The following IGFBP7 variants were observed in gnomAD, a reference collection of about 807,000 sequenced individuals.
IGFBP7 encodes the protein insulin-like growth factor-binding protein 7.
IGFBP7 carries 31 observed loss-of-function variants against 29.4 expected under a neutral mutation model. That is an observed-to-expected ratio of 1.05 (90% confidence interval 0.79 to 1.42). IGFBP7 has a LOEUF of 1.42. Ranked by LOEUF, IGFBP7 falls within the 40% of genes most tolerant of loss-of-function variation. The probability of loss-of-function intolerance (pLI) is 0.00; values close to 1 mark genes in which losing one functional copy is unlikely to be tolerated. For missense variants in IGFBP7, 393 were observed against 395.5 expected, an observed-to-expected ratio of 0.99 and a Z score of 0.05; for synonymous variants, 172 against 174.9, an observed-to-expected ratio of 0.98 and a Z score of 0.13.
At chr4:57,076,062 A>C (rs1725217205) in intron 1 of IGFBP7, among the ~76,000 whole-genome samples, 1 of 152,218 alleles carries the variant, frequency 6.6e-6, no homozygotes, top group African/African-American at 2.4e-5. Context: ...AGTGTATTGA[A>C]TGGGAAGTCC....
At chr4:57,076,753 G>A (rs1167183311) in intron 1 of IGFBP7, among the ~76,000 whole-genome samples, 1 of 152,182 alleles carries the variant, frequency 6.6e-6, no homozygotes, top group Non-Finnish European at 1.5e-5. Context: ...CAGAGAATGA[G>A]CAGTCTTGAT....
intron 1 of IGFBP7, among the ~76,000 whole-genome samples, chr4:57,066,311 A>T (rs1160717829): frequency 6.6e-6 from 1 of 152,158 alleles, no homozygotes; most frequent in East Asian, 1.9e-4. Context: ...GGAGAGGTCC[A>T]TGTGATGAGG....
At chr4:57,051,983 G>A (rs181319527) in intron 1 of IGFBP7, among the ~76,000 whole-genome samples, 8 of 152,292 alleles carry the variant, frequency 5.3e-5, no homozygotes, top group African/African-American at 1.9e-4. Flanking sequence ...GCCAGCTCGG[G>A]AAGAGGATTC....
intron 1 of IGFBP7, among the ~76,000 whole-genome samples, chr4:57,074,699 TTTTCAGACAGCTTGCTTCTTTTAAGTC>T (rs1214542494): frequency 2.0e-5 from 3 of 152,204 alleles, no homozygotes; most frequent in Admixed American, 2.0e-4. Flanking sequence ...TTTAAACACT[TTTTCAGACAGCTTGCTTCTTTTAAGTC>T]TTTCAATTAA....
chr4:57,102,095 T>C (rs906520112), intron 1 of IGFBP7, among the ~76,000 whole-genome samples: 2 of 152,108 alleles, frequency 1.3e-5, no homozygotes, highest in Admixed American at 6.6e-5. Context: ...GGTCAGATTG[T>C]TTGTGGGGTA....
intron 1 of IGFBP7, among the ~76,000 whole-genome samples, chr4:57,053,739 T>A (rs1724571777): frequency 6.6e-6 from 1 of 152,186 alleles, no homozygotes; most frequent in Non-Finnish European, 1.5e-5. Flanking sequence ...AAGAACTGAC[T>A]TTATAGAGAG....
At chr4:57,044,086 A>G (rs1191561682) in intron 1 of IGFBP7, among the ~76,000 whole-genome samples, 1 of 152,216 alleles carries the variant, frequency 6.6e-6, no homozygotes, top group Non-Finnish European at 1.5e-5. Flanking sequence ...GAGCTCGGGA[A>G]CAAAGCTGCT....
chr4:57,068,945 C>T (rs963698008), intron 1 of IGFBP7, among the ~76,000 whole-genome samples: 2 of 152,096 alleles, frequency 1.3e-5, no homozygotes, highest in African/African-American at 2.4e-5. Context: ...GATGCAGGCC[C>T]CTTCTGAAGG....
At position 57,109,866 on chromosome 4, in the gene IGFBP7, C is replaced by A. The variant is rs1401036418; in HGVS notation, c.475+11G>T. The stretch of plus-strand genomic sequence containing the variant: ...CGGCGCAGGGTTGGAGAGGGAAGCG[C>A]TCGTGCCCACCTTGCTCGCAGGTGC... On this transcript the variant is annotated intron_variant, in intron 1 of 4. Transcript: ENST00000295666. The A allele has an allele frequency of 4.4e-5, 67 of 1,537,260 alleles. No individual in the cohort carries two copies. Among genetic ancestry groups the A allele is most frequent in the Non-Finnish European group, 5.8e-5 (67 of 1,147,658 alleles).
At chr4:57,057,358 G>A (rs1173268232) in intron 1 of IGFBP7, among the ~76,000 whole-genome samples, 1 of 152,204 alleles carries the variant, frequency 6.6e-6, no homozygotes, top group Non-Finnish European at 1.5e-5. Flanking sequence ...CAAGGACTGG[G>A]AGAAACTACA....
chr4:57,078,378 C>G (rs1295721034), intron 1 of IGFBP7, among the ~76,000 whole-genome samples: 2 of 152,112 alleles, frequency 1.3e-5, no homozygotes, highest in Non-Finnish European at 2.9e-5. Flanking sequence ...CATATTACCT[C>G]ATAGGTAACC....
intron 2 of IGFBP7, among the ~76,000 whole-genome samples, chr4:57,039,775 T>C (rs1444347074): frequency 6.7e-6 from 1 of 149,338 alleles, no homozygotes; most frequent in Non-Finnish European, 1.5e-5. Flanking sequence ...CAGGCATGCC[T>C]CACCATGCCC....
Position 57,031,105 on chromosome 4 carries a change from AATG to A in IGFBP7, c.*209_*211del, listed in dbSNP as rs893491646. On this transcript the variant is annotated 3_prime_UTR_variant, in exon 5 of 5. Transcript: ENST00000295666. ...GTGATAAAAAGTATTTTATTTGTTTAATGATATGCATGCTTTTCTTCTGTAAAT... is the reference window on the plus strand; with the variant it reads ...GTGATAAAAAGTATTTTATTTGTTTAATATGCATGCTTTTCTTCTGTAAAT... The A allele has an allele frequency of 1.2e-5, 9 of 742,842 alleles. No individual in the cohort carries two copies. In the African/African-American group the frequency reaches 1.6e-4, roughly 13 times the overall value. 46.0% of individuals were successfully genotyped at this position (742,842 alleles called of 1,614,324 possible).
intron 1 of IGFBP7, among the ~76,000 whole-genome samples, chr4:57,073,983 C>T (rs1221455238): frequency 6.6e-6 from 1 of 152,226 alleles, no homozygotes; most frequent in Non-Finnish European, 1.5e-5. Context: ...ACTGTCCTGG[C>T]ACCAGCAAGC....
At chr4:57,096,821 T>C (rs923381576) in intron 1 of IGFBP7, among the ~76,000 whole-genome samples, 4 of 152,196 alleles carry the variant, frequency 2.6e-5, no homozygotes, top group Non-Finnish European at 4.4e-5. Context: ...GAAATACATC[T>C]GTTTATAGTT....
intron 1 of IGFBP7, among the ~76,000 whole-genome samples, chr4:57,058,009 G>A (rs1055990446): frequency 2.6e-5 from 4 of 152,140 alleles, no homozygotes; most frequent in African/African-American, 9.7e-5. Flanking sequence ...ATATCCATGG[G>A]AGCTTGGCCT....
At chr4:57,046,490 A>G (rs780593074) in intron 1 of IGFBP7, among the ~76,000 whole-genome samples, 94 of 152,184 alleles carry the variant, frequency 6.2e-4, no homozygotes, top group Admixed American at 2.7e-3. Flanking sequence ...TAATTTTCTC[A>G]TACAGAAAGC....
intron 1 of IGFBP7, among the ~76,000 whole-genome samples, chr4:57,055,801 C>A (rs1400464998): frequency 6.6e-6 from 1 of 152,024 alleles, no homozygotes; most frequent in Non-Finnish European, 1.5e-5. Context: ...TAAAATCCCT[C>A]GAACTTGGGA....
At chr4:57,055,921 C>T (rs1422339362) in intron 1 of IGFBP7, among the ~76,000 whole-genome samples, 1 of 152,050 alleles carries the variant, frequency 6.6e-6, no homozygotes, top group Admixed American at 6.5e-5. Flanking sequence ...TGCGAATAGC[C>T]CCCTTCAGAC....
Sources: gnomAD v4.1 joint callset for allele counts (sites outside exome capture counted in the v4.1 genomes callset) on GRCh38, gnomAD v4.1.1 for gene constraint, MANE v1.5 for transcripts, NCBI Gene and HGNC (gene_info 2026-07-23, HGNC 2026-07-21) for gene names.